SLC4A10: variants seen among roughly 807,000 people sequenced by gnomAD.
The protein encoded by SLC4A10 is sodium-driven chloride bicarbonate exchanger.
Under a neutral mutation model 137.7 loss-of-function variants are expected in SLC4A10, and 42 were observed. That is an observed-to-expected ratio of 0.30 (90% confidence interval 0.24 to 0.39). The LOEUF (loss-of-function observed/expected upper bound fraction) is 0.39. Ranked by LOEUF, SLC4A10 falls within the 10% of genes least tolerant of loss-of-function variation. The probability of loss-of-function intolerance (pLI) is 1.00; values close to 1 mark genes in which losing one functional copy is unlikely to be tolerated. For missense variants in SLC4A10, 925 were observed against 1,355.0 expected, an observed-to-expected ratio of 0.68 and a Z score of 4.98; for synonymous variants, 474 against 464.1, an observed-to-expected ratio of 1.02 and a Z score of -0.27.
chr2:161,742,114 A>G (rs1486120098), intron 1 of SLC4A10, among the ~76,000 whole-genome samples: 1 of 152,130 alleles, frequency 6.6e-6, no homozygotes, highest in Non-Finnish European at 1.5e-5. Context: ...TCACTTAACA[A>G]TGTTCTCAAG....
intron 15 of SLC4A10, among the ~76,000 whole-genome samples, chr2:161,913,458 A>G (rs549784319): frequency 6.6e-6 from 1 of 152,344 alleles, no homozygotes; most frequent in South Asian, 2.1e-4. Context: ...TACAATAGCT[A>G]TAAAAAATTG....
chr2:161,872,627 T>A (rs1310749448), intron 7 of SLC4A10, among the ~76,000 whole-genome samples: 1 of 152,008 alleles, frequency 6.6e-6, no homozygotes, highest in Non-Finnish European at 1.5e-5. Flanking sequence ...CTTGGTATAA[T>A]GTTATCTCTT....
At chr2:161,649,400 A>G (rs572870697) in intron 1 of SLC4A10, among the ~76,000 whole-genome samples, 3 of 152,328 alleles carry the variant, frequency 2.0e-5, no homozygotes, top group Non-Finnish European at 2.9e-5. Flanking sequence ...TTGAAAAACA[A>G]TATGTGACTA....
chr2:161,667,235 A>G (rs767613903), intron 1 of SLC4A10, among the ~76,000 whole-genome samples: 3 of 151,646 alleles, frequency 2.0e-5, no homozygotes, highest in South Asian at 2.1e-4. Flanking sequence ...AAAGAGAAAT[A>G]TGAATAAATT....
chr2:161,869,935 T>C (rs558913536), intron 6 of SLC4A10, among the ~76,000 whole-genome samples: 220 of 151,608 alleles, frequency 1.5e-3, no homozygotes, highest in Non-Finnish European at 2.2e-3. Context: ...ACCTAGAATC[T>C]AGGACTAGCA....
chr2:161,717,291 C>A (rs1489599788), intron 1 of SLC4A10, among the ~76,000 whole-genome samples: 1 of 152,154 alleles, frequency 6.6e-6, no homozygotes, highest in Non-Finnish European at 1.5e-5. Context: ...TTATTTATTT[C>A]TCTTTGCCTG....
At chr2:161,872,268 A>G (rs553034118) in intron 6 of SLC4A10, 25 bp from the exon 7 acceptor site, 1 of 1,580,782 alleles carries the variant, frequency 6.3e-7, no homozygotes, top group East Asian at 2.2e-5. Context: ...AATTGTTTGT[A>G]TTCTGTCACA....
rs146666314 is a variant in SLC4A10 at position 161,807,871 on chromosome 2, C to T, written c.277+3276C>T. Among the ~76,000 whole-genome samples the T allele has an allele frequency of 1.7e-3, 255 of 152,062 alleles. 2 individuals carry two copies. The highest frequency in any genetic ancestry group is 5.9e-3 in the African/African-American group (244 of 41,504). On this transcript the variant is annotated intron_variant, in intron 3 of 26. Coordinates refer to ENST00000446997, the MANE Select transcript of SLC4A10 (RefSeq NM_001178015.2). ...AATTAATTTACATTTTGTTCACATT[C>T]GTGAAAAATAATTTAGCTAGGTATG...
At chr2:161,695,993 A>G (rs1355062711) in intron 1 of SLC4A10, among the ~76,000 whole-genome samples, 3 of 151,786 alleles carry the variant, frequency 2.0e-5, no homozygotes, top group Admixed American at 2.0e-4. Flanking sequence ...TACATGTGCC[A>G]TGTTGGTGTG....
chr2:161,910,500 A>G (rs573183281), intron 15 of SLC4A10, among the ~76,000 whole-genome samples: 55 of 152,232 alleles, frequency 3.6e-4, no homozygotes, highest in Non-Finnish European at 6.9e-4. Flanking sequence ...TATAAGATGA[A>G]ATGTTTCTTT....
chr2:161,728,180 T>C (rs958622151), intron 1 of SLC4A10, among the ~76,000 whole-genome samples: 14 of 152,142 alleles, frequency 9.2e-5, no homozygotes, highest in African/African-American at 3.4e-4. Flanking sequence ...TTCTTGAAAA[T>C]TATATACTAC....
Position 161,659,815 on chromosome 2 carries a change from T to C in SLC4A10, c.48+35249T>C, listed in dbSNP as rs189740572. Among the ~76,000 whole-genome samples, 32 of 152,264 alleles carry C rather than the reference T, an allele frequency of 2.1e-4. No individual in the cohort carries two copies. The East Asian group carries it at 6.2e-3, about 29-fold the overall frequency. On this transcript the variant is annotated intron_variant, in intron 1 of 26. Transcript: ENST00000446997. ...GCATATTCATATAGTGGAATATTAT[T>C]CAATATTAGAAAGGAATGAAGTACT... is the stretch of plus-strand genomic sequence containing the variant.
intron 8 of SLC4A10, among the ~76,000 whole-genome samples, chr2:161,876,807 A>C (rs1314631979): frequency 6.6e-6 from 1 of 151,986 alleles, no homozygotes; most frequent in Non-Finnish European, 1.5e-5. Flanking sequence ...ACTATACATA[A>C]TATAGAATAA....
intron 1 of SLC4A10, among the ~76,000 whole-genome samples, chr2:161,700,406 G>A (rs954873258): frequency 6.6e-6 from 1 of 152,086 alleles, no homozygotes; most frequent in African/African-American, 2.4e-5. Context: ...TGAAAATAAT[G>A]AGAATAGAGA....
intron 1 of SLC4A10, among the ~76,000 whole-genome samples, chr2:161,689,775 C>T (rs2041802119): frequency 6.6e-6 from 1 of 152,130 alleles, no homozygotes; most frequent in South Asian, 2.1e-4. Context: ...GTGGGTAAGA[C>T]AACCATGCAA....
intron 6 of SLC4A10, among the ~76,000 whole-genome samples, chr2:161,869,468 T>C (rs2125915816): frequency 6.6e-6 from 1 of 151,730 alleles, no homozygotes; most frequent in African/African-American, 2.4e-5. Flanking sequence ...ATTTATGAGG[T>C]TTCAATTAGT....
At chr2:161,728,148 C>T (rs1294083392) in intron 1 of SLC4A10, among the ~76,000 whole-genome samples, 11 of 152,150 alleles carry the variant, frequency 7.2e-5, no homozygotes, top group Admixed American at 7.2e-4. Context: ...ATAAATCTGT[C>T]AACTTAGATG....
intron 1 of SLC4A10, among the ~76,000 whole-genome samples, chr2:161,686,090 CA>C (rs2041374120): frequency 6.6e-6 from 1 of 152,076 alleles, no homozygotes; most frequent in Non-Finnish European, 1.5e-5. Flanking sequence ...CTTAAAGTTC[CA>C]GGGGAGTTTA....
chr2:161,969,800 A>G (rs1031646214), intron 23 of SLC4A10, among the ~76,000 whole-genome samples: 5 of 152,212 alleles, frequency 3.3e-5, no homozygotes, highest in African/African-American at 1.2e-4. Flanking sequence ...AAGTGCAACT[A>G]AACAAATTAC....
Sources: allele counts gnomAD v4.1 joint callset (sites outside exome capture counted in the v4.1 genomes callset), GRCh38; gene constraint gnomAD v4.1.1; transcripts MANE v1.5; gene names NCBI Gene and HGNC (gene_info 2026-07-23, HGNC 2026-07-21).